Variants in ABCC11 observed in about 807,000 individuals in gnomAD.
ABCC11 encodes ATP-binding cassette sub-family C member 11.
A neutral mutation model predicts 149.3 loss-of-function variants in ABCC11; 135 were observed. That is an observed-to-expected ratio of 0.90 (90% confidence interval 0.79 to 1.04). The LOEUF (loss-of-function observed/expected upper bound fraction) is 1.04. ABCC11 is among the 50% of genes least tolerant of loss of function. ABCC11 has a pLI of 0.00. For missense variants in ABCC11, 1,680 were observed against 1,722.1 expected (o/e 0.98, Z 0.43); for synonymous variants, 665 against 671.4 (o/e 0.99, Z 0.15).
Position 48,166,735 on chromosome 16 carries a change from C to T in ABCC11, c.*539G>A, listed in dbSNP as rs1056864112. ...CAAAAATTAGCCAGTCATGGTGGCA[C>T]ATGCTTGTAATCCTAGCTATTCAGG... On this transcript the variant is annotated 3_prime_UTR_variant, in exon 30 of 30. Coordinates refer to ENST00000356608, the MANE Select transcript of ABCC11 (RefSeq NM_001370497.1). Among the ~76,000 whole-genome samples the T allele has an allele frequency of 1.3e-5, 2 of 152,158 alleles. No individual in the cohort carries two copies. The highest frequency in any genetic ancestry group is 1.9e-4 in the East Asian group (1 of 5,176).
At chr16:48,205,642 G>A in intron 12 of ABCC11, 105 bp from the exon 13 acceptor site, 1 of 1,449,960 alleles carries the variant, frequency 6.9e-7, no homozygotes, top group South Asian at 1.4e-5. Context: ...CCAGGACCTT[G>A]GGGGCTCTCC....
intron 6 of ABCC11, 59 bp from the exon 7 acceptor site, chr16:48,216,346 G>C: frequency 6.4e-7 from 1 of 1,559,458 alleles, no homozygotes; most frequent in Non-Finnish European, 8.8e-7. Context: ...CAGAAGGGGT[G>C]GCAGGTGGCC....
In ABCC11 at chr16:48,177,174, C is replaced by T. The variant is rs763093209; in HGVS notation, c.3349-61G>A. ...ATCATCTATCTCGGCCCATCCCCTG[C>T]GGGCCTGCCAGCCTCCCGCTGTAGG... On this transcript the variant is annotated intron_variant, in intron 24 of 29. Transcript: ENST00000356608. 187 of 1,520,086 alleles carry T rather than the reference C, an allele frequency of 1.2e-4. No individual in the cohort carries two copies. The African/African-American group carries it at 1.4e-3, about 12-fold the overall frequency. 94.2% of individuals were successfully genotyped at this position (1,520,086 alleles called of 1,614,324 possible). A position where few individuals can be genotyped will look rare whatever the true frequency, so the allele number is the denominator to read the frequency against.
chr16:48,207,023 C>T (rs2150844252), intron 12 of ABCC11, among the ~76,000 whole-genome samples: 1 of 152,116 alleles, frequency 6.6e-6, no homozygotes, highest in African/African-American at 2.4e-5. Flanking sequence ...CAGCACGTGG[C>T]TGATGTGTTA....
chr16:48,205,842 G>A (rs1968398570), intron 12 of ABCC11, among the ~76,000 whole-genome samples: 1 of 144,266 alleles, frequency 6.9e-6, no homozygotes, highest in African/African-American at 2.6e-5. Flanking sequence ...ACGGAGTCTC[G>A]CTCTGTCGCC....
chr16:48,196,411 T>A, intron 17 of ABCC11, 90 bp from the exon 18 acceptor site: 1 of 1,289,556 alleles, frequency 7.8e-7, no homozygotes, highest in Non-Finnish European at 1.1e-6. Context: ...CTGTGCCAGC[T>A]TTTCACTTTC....
At chr16:48,219,283 C>T (rs1969570818) in intron 6 of ABCC11, among the ~76,000 whole-genome samples, 1 of 151,380 alleles carries the variant, frequency 6.6e-6, no homozygotes, top group South Asian at 2.1e-4. Flanking sequence ...CATCTTCCTT[C>T]CTCAGCCTCC....
rs762213795 is a variant in ABCC11, at chr16:48,167,590, C to A, written c.3962G>T (p.Arg1321Leu). The change falls in exon 29 of 30, where the codon CGT becomes CTT. Residue 1321 changes from arginine (R) to leucine (L), a missense_variant. Arg to Leu is a moderately radical substitution (Grantham distance 102). Coordinates refer to ENST00000356608, the MANE Select transcript of ABCC11 (RefSeq NM_001370497.1). The part of the protein sequence containing the change: ...ETDTLIQRTI[R>L]EAFQGCTVLV... The stretch of plus-strand genomic sequence containing the variant: ...CACGGTGCAGCCCTGGAAGGCTTCA[C>A]GGATTGTGCGCTGGATCAGGGTGTC... 1 of 1,612,314 alleles carries A rather than the reference C, an allele frequency of 6.2e-7. No homozygotes were observed. Among genetic ancestry groups the A allele is most frequent in the African/African-American group, 1.3e-5 (1 of 74,890 alleles).
Position 48,170,192 on chromosome 16 carries a change from A to G in ABCC11, c.3804T>C (p.His1268=), listed in dbSNP as rs377683555. ...KAISKFPKKL[H]TDVVENGGNF... is the part of the protein sequence containing the mutation. ...TTCCACCGTTTTCCACCACATCTGTATGCAGCTTTTTGGGGAACTTTGAGA... is the reference window on the plus strand; with the variant it reads ...TTCCACCGTTTTCCACCACATCTGTGTGCAGCTTTTTGGGGAACTTTGAGA... The change falls in exon 28 of 30, where the codon CAT becomes CAC. Residue 1268 remains histidine (H), a synonymous_variant. Transcript: ENST00000356608. 50 of 1,613,950 alleles carry G rather than the reference A, an allele frequency of 3.1e-5. No individual in the cohort carries two copies. Among genetic ancestry groups the G allele is most frequent in the Non-Finnish European group, 4.2e-5 (50 of 1,179,940 alleles).
chr16:48,165,121 C>G (rs953095472), downstream of ABCC11: 1 of 151,908 alleles, frequency 6.6e-6, no homozygotes, highest in Non-Finnish European at 1.5e-5. Context: ...GTAGAGAGCT[C>G]CCTCACCCGT....
rs1966851538 is a variant in ABCC11, at chr16:48,189,336, C to A, written c.2707-1909G>T. Among the ~76,000 whole-genome samples, 3 of 152,154 alleles carry A rather than the reference C, an allele frequency of 2.0e-5. No individual in the cohort carries two copies. In the South Asian group the frequency reaches 6.2e-4, roughly 32 times the overall value. On this transcript the variant is annotated intron_variant, in intron 20 of 29. Coordinates refer to ENST00000356608, the MANE Select transcript of ABCC11 (RefSeq NM_001370497.1). ...GCCCAGCATTACTTTGGATTAGGGA[C>A]CAATGGTGGCGACAAAGGGAAAATG...
chr16:48,214,661 T>C (rs572778070), intron 9 of ABCC11, among the ~76,000 whole-genome samples: 1 of 152,332 alleles, frequency 6.6e-6, no homozygotes, highest in African/African-American at 2.4e-5. Flanking sequence ...ACACCCCCGA[T>C]GGTTCTGCTG....
chr16:48,193,950 C>CGAA lies in ABCC11; in HGVS notation c.2434_2436dup (p.Phe812dup). 1 of 1,613,874 alleles carries CGAA rather than the reference C, an allele frequency of 6.2e-7. No individual in the cohort carries two copies. The highest frequency in any genetic ancestry group is 8.5e-7 in the Non-Finnish European group (1 of 1,179,828). ...ATCGTTAAGAAGACGATCAGCACCA[C>CGAA]GAAGAAGAAAATTATGCAAGAGACC... is the stretch of plus-strand genomic sequence containing the variant. On this transcript the variant is annotated inframe_insertion, in exon 19 of 30. Coordinates refer to ENST00000356608, the MANE Select transcript of ABCC11 (RefSeq NM_001370497.1).
chr16:48,177,994 T>C (rs1966196814), intron 24 of ABCC11, among the ~76,000 whole-genome samples: 1 of 152,172 alleles, frequency 6.6e-6, no homozygotes, highest in African/African-American at 2.4e-5. Flanking sequence ...ATAAAGGGCT[T>C]AGCACCATGC....
chr16:48,187,480 A>G, intron 20 of ABCC11, 53 bp from the exon 21 acceptor site: 9 of 1,467,798 alleles, frequency 6.1e-6, no homozygotes, highest in Non-Finnish European at 8.4e-6. Flanking sequence ...GCCCTGCTCA[A>G]GATTGGATGA....
Position 48,214,974 on chromosome 16 carries a change from C to T in ABCC11, c.1155G>A (p.Leu385=), listed in dbSNP as rs752452230. 2.7e-5 allele frequency: 43 copies of T among 1,614,208 alleles called. No individual in the cohort carries two copies. Among genetic ancestry groups the T allele is most frequent in the Non-Finnish European group, 3.6e-5 (43 of 1,180,048 alleles). The change falls in exon 9 of 30, where the codon CTG becomes CTA. Residue 385 remains leucine, a synonymous_variant. Coordinates refer to ENST00000356608, the MANE Select transcript of ABCC11 (RefSeq NM_001370497.1). Reference sequence around the variant, plus strand: ...GGATGATGAACAAGGTTATACTTGTCAGGCTCTGGACAAGCCCGCACTTCT... The same window carrying T: ...GGATGATGAACAAGGTTATACTTGTTAGGCTCTGGACAAGCCCGCACTTCT... ...LLEKCGLVQS[L]TSITLFIIPT...
intron 20 of ABCC11, among the ~76,000 whole-genome samples, chr16:48,191,796 A>G: frequency 6.6e-6 from 1 of 150,970 alleles, no homozygotes; most frequent in East Asian, 2.0e-4. Context: ...ACAAGGACAC[A>G]GGAAGGGGAA....
At position 48,243,344 on chromosome 16, in the gene ABCC11, G is replaced by A. The variant is rs572717045; in HGVS notation, c.-19+3970C>T. 1.0e-4 allele frequency among the ~76,000 whole-genome samples: 15 copies of A among 148,788 alleles called. No individual in the cohort carries two copies. In the East Asian group the frequency reaches 3.0e-3, roughly 30 times the overall value. On this transcript the variant is annotated intron_variant, in intron 1 of 29. Transcript: ENST00000356608. Reference sequence around the variant, plus strand: ...ATGAACCCGGGAGGCGGAGCTTGCAGTGAGCCGAGATCTCGCCACTACACT... The same window carrying A: ...ATGAACCCGGGAGGCGGAGCTTGCAATGAGCCGAGATCTCGCCACTACACT...
At position 48,167,325 on chromosome 16, in the gene ABCC11, A is replaced by G; in HGVS notation, c.4098T>C (p.Pro1366=). Residue 1366 remains proline (P), a synonymous_variant, in exon 30 of 30, where the codon CCT becomes CCC. Transcript: ENST00000356608. ...FDRPEVLRKK[P]GSLFAALMAT... is the part of the protein sequence containing the mutation. ...CCATGAGGGCTGCGAACAATGACCC[A>G]GGCTTCTTCCGCAGTACCTCCGGCC... 2.0e-6 allele frequency: 2 copies of G among 1,004,040 alleles called. No homozygotes were observed. The highest frequency in any genetic ancestry group is 1.6e-6 in the Non-Finnish European group (1 of 622,436). The allele number at this position is 1,004,040 out of a possible 1,614,324, so 62.2% of individuals were successfully genotyped here.
Sources: gnomAD v4.1 joint callset for allele counts (sites outside exome capture counted in the v4.1 genomes callset) on GRCh38, gnomAD v4.1.1 for gene constraint, MANE v1.5 for transcripts, NCBI Gene and HGNC (gene_info 2026-07-23, HGNC 2026-07-21) for gene names.